The following ASB1 variants were observed in gnomAD, a reference collection of about 807,000 sequenced individuals.
The protein encoded by ASB1 is ankyrin repeat and SOCS box protein 1.
ASB1 carries 18 observed loss-of-function variants against 27.7 expected under a neutral mutation model. The ratio of observed to expected loss-of-function variants is 0.65; its 90% confidence interval spans 0.45 to 0.96. The LOEUF is 0.96. Among genes scored for constraint, ASB1 ranks in the 50% least tolerant of loss-of-function variants. The pLI is 0.00. For synonymous variants in ASB1, 189 were observed against 187.6 expected, an observed-to-expected ratio of 1.01 and a Z score of -0.06; for missense variants, 397 against 451.7, an observed-to-expected ratio of 0.88 and a Z score of 1.10.
intron 3 of ASB1, among the ~76,000 whole-genome samples, 159 bp from the exon 4 acceptor site, chr2:238,444,183 C>T (rs1169716009): frequency 9.2e-5 from 14 of 152,290 alleles, no homozygotes; most frequent in African/African-American, 2.6e-4. Context: ...TCTTGCTGAA[C>T]GTAGTGAAGC....
At chr2:238,432,762 T>C (rs1432640602) in intron 1 of ASB1, among the ~76,000 whole-genome samples, 2 of 152,152 alleles carry the variant, frequency 1.3e-5, no homozygotes, top group Non-Finnish European at 2.9e-5. Context: ...TCTTTTTTTT[T>C]TTGAGACCGA....
At position 238,433,671 on chromosome 2, in the gene ASB1, T is replaced by G. The variant is rs1209817180; in HGVS notation, c.167T>G (p.Leu56Arg). Residue 56 changes from leucine (L) to arginine (R), a missense_variant, in exon 2 of 5, where the codon CTA becomes CGA. Physicochemically the swap from Leu to Arg is moderately radical, Grantham distance 102. Transcript: ENST00000264607. ...GGGGACCTCCAGACCCTCAGGAGCC[T>G]ATTGCAAGAGGAGAGCTACCGGAGG... ...YVGDLQTLRSLLQEESYRSRI... is the reference protein window; with the variant it reads ...YVGDLQTLRSRLQEESYRSRI... 6.2e-7 allele frequency: 1 copy of G among 1,613,886 alleles called. No individual in the cohort carries two copies. The highest frequency in any genetic ancestry group is 1.3e-5 in the African/African-American group (1 of 74,914).
At chr2:238,431,280 C>G (rs559756219) in intron 1 of ASB1, among the ~76,000 whole-genome samples, 1 of 152,202 alleles carries the variant, frequency 6.6e-6, no homozygotes, top group Non-Finnish European at 1.5e-5. Context: ...CTTTAAACCT[C>G]GTGAACCAAC....
At chr2:238,440,044 A>G (rs1420400270) in intron 3 of ASB1, among the ~76,000 whole-genome samples, 1 of 152,186 alleles carries the variant, frequency 6.6e-6, no homozygotes, top group Non-Finnish European at 1.5e-5. Context: ...CAGTTTGTCT[A>G]CTGAGAGCTG....
At chr2:238,433,786 C>G in intron 2 of ASB1, 91 bp downstream of exon 2, 1 of 1,446,696 alleles carries the variant, frequency 6.9e-7, no homozygotes, top group Admixed American at 2.0e-5. Context: ...AGATGAAGAC[C>G]TTGATGTTGG....
At position 238,444,509 on chromosome 2, in the gene ASB1, A is replaced by G. The variant is rs1702139593; in HGVS notation, c.662A>G (p.Asn221Ser). Residue 221 changes from asparagine (N) to serine (S), a missense_variant, in exon 4 of 5, where the codon AAC (asparagine) becomes AGC (serine). Physicochemically the swap from Asn to Ser is conservative, Grantham distance 46. Coordinates refer to ENST00000264607, the MANE Select transcript of ASB1 (RefSeq NM_001040445.3). Reference protein sequence around the residue: ...LLLAGANPDFNCNGPVNTQGF... With the variant: ...LLLAGANPDFSCNGPVNTQGF... ...CTGGCTGGCGCGAACCCTGACTTCA[A>G]CTGCAATGGTCCTGTCAACACACAG... 8.1e-6 allele frequency: 13 copies of G among 1,613,924 alleles called. No homozygotes were observed. Among genetic ancestry groups the G allele is most frequent in the Non-Finnish European group, 1.1e-5 (13 of 1,180,004 alleles).
intron 4 of ASB1, 100 bp downstream of exon 4, chr2:238,444,827 G>T: frequency 7.4e-7 from 1 of 1,353,036 alleles, no homozygotes; most frequent in South Asian, 1.5e-5. Flanking sequence ...CTGAGCACTT[G>T]GCCAAAATCT....
At chr2:238,435,154 C>G (rs1701943585) in intron 2 of ASB1, 1 of 153,544 alleles carries the variant, frequency 6.5e-6, no homozygotes, top group Non-Finnish European at 1.4e-5. Flanking sequence ...ACAGGTTCCT[C>G]TGCCGCTCTT....
Position 238,444,776 on chromosome 2 carries a change from G to T in ASB1, c.880+49G>T, listed in dbSNP as rs982692924. 4.0e-6 allele frequency: 6 copies of T among 1,516,918 alleles called. No homozygotes were observed. The African/African-American group carries it at 8.4e-5, about 21-fold the overall frequency. The allele number at this position is 1,516,918 out of a possible 1,614,324, so 94.0% of individuals were successfully genotyped here. ...GACTTGTGGGCTGGGTTGATTGAAT[G>T]AATCAAGATGTAGCAATAAACAAAA... is the stretch of plus-strand genomic sequence containing the variant. On this transcript the variant is annotated intron_variant, in intron 4 of 4. Coordinates refer to ENST00000264607, the MANE Select transcript of ASB1 (RefSeq NM_001040445.3).
chr2:238,427,092 G>C lies in ASB1; in HGVS notation c.22G>C (p.Asp8His). ...ATCCATGGCGGAGGGCGGCAGCCCA[G>C]ACGGGCGGGCAGGGCCGGGCTCCGC... MAEGGSP[D>H]GRAGPGSAGR... Residue 8 changes from aspartate (D) to histidine (H), a missense_variant, in exon 1 of 5, where the codon GAC (aspartate) becomes CAC (histidine). By Grantham distance (81) the Asp-to-His change is moderately conservative. Transcript: ENST00000264607. The C allele has an allele frequency of 7.9e-7, 1 of 1,262,990 alleles. No homozygotes were observed. Among genetic ancestry groups the C allele is most frequent in the Non-Finnish European group, 9.9e-7 (1 of 1,005,208 alleles). The allele number at this position is 1,262,990 out of a possible 1,614,324, so 78.2% of individuals were successfully genotyped here.
intron 1 of ASB1, among the ~76,000 whole-genome samples, chr2:238,429,416 C>T (rs760397348): frequency 2.6e-5 from 4 of 152,162 alleles, no homozygotes; most frequent in Non-Finnish European, 4.4e-5. Context: ...TCAATTATTT[C>T]CTAATAAGTA....
chr2:238,448,083 T>C lies in ASB1; in HGVS notation c.*1572T>C, dbSNP rs1217496116. 1 of 152,350 alleles carries C rather than the reference T, an allele frequency of 6.6e-6. No individual in the cohort carries two copies. Among genetic ancestry groups the C allele is most frequent in the Non-Finnish European group, 1.5e-5 (1 of 68,148 alleles). The allele number at this position is 152,350 out of a possible 1,614,324, so 9.4% of individuals were successfully genotyped here. ...TTAGAAGCTGTGATGGTTGTGTAAA[T>C]GTGGGCTGTGTGCTGTTCCCGAGGG... On this transcript the variant is annotated 3_prime_UTR_variant, in exon 5 of 5. Coordinates refer to ENST00000264607, the MANE Select transcript of ASB1 (RefSeq NM_001040445.3).
At chr2:238,437,447 G>T (rs1435147941) in intron 3 of ASB1, among the ~76,000 whole-genome samples, 2 of 152,004 alleles carry the variant, frequency 1.3e-5, no homozygotes, top group Admixed American at 1.3e-4. Context: ...AGCCAGGATG[G>T]TCTCGATCTT....
At position 238,451,067 on chromosome 2, in the gene ASB1, TCCAAACCCGAACCTCTCAGTGTGGAATG is replaced by T. The variant is rs1228578422; in HGVS notation, c.*4557_*4584del. 2.5e-4 allele frequency: 16 copies of T among 63,452 alleles called. No individual in the cohort carries two copies. In the Admixed American group the frequency reaches 2.8e-3, roughly 11 times the overall value. The allele number at this position is 63,452 out of a possible 1,614,324, so 3.9% of individuals were successfully genotyped here. A position where few individuals can be genotyped will look rare whatever the true frequency, so the allele number is the denominator to read the frequency against. On this transcript the variant is annotated 3_prime_UTR_variant, in exon 5 of 5. Coordinates refer to ENST00000264607, the MANE Select transcript of ASB1 (RefSeq NM_001040445.3). ...GAACCTCTCAGTGTGGAATGAACGC[TCCAAACCCGAACCTCTCAGTGTGGAATG>T]AAACAGTTTAGATGTGTACATGATG...
chr2:238,428,919 A>G (rs1701813834), intron 1 of ASB1, among the ~76,000 whole-genome samples: 1 of 152,000 alleles, frequency 6.6e-6, no homozygotes, highest in East Asian at 1.9e-4. Flanking sequence ...AATCTTTCCC[A>G]CTCCGACTTT....
At chr2:238,437,428 C>T (rs1418395052) in intron 3 of ASB1, among the ~76,000 whole-genome samples, 1 of 152,092 alleles carries the variant, frequency 6.6e-6, no homozygotes, top group African/African-American at 2.4e-5. Flanking sequence ...GATGGGGTTT[C>T]ACCATGTCAG....
In ASB1 at chr2:238,447,800, A is replaced by T. The variant is rs1398712133; in HGVS notation, c.*1289A>T. On this transcript the variant is annotated 3_prime_UTR_variant, in exon 5 of 5. Transcript: ENST00000264607. The stretch of plus-strand genomic sequence containing the variant: ...GAGAAATCCAATTTGTAAAACTTGA[A>T]CAATGATACCGTTTTATTTACTTAG... 1 of 152,256 alleles carries T rather than the reference A, an allele frequency of 6.6e-6. No homozygotes were observed. The highest frequency in any genetic ancestry group is 1.9e-4 in the East Asian group (1 of 5,206). 9.4% of individuals were successfully genotyped at this position (152,256 alleles called of 1,614,324 possible).
Position 238,435,806 on chromosome 2 carries a change from TC to T in ASB1, c.289del (p.Leu97SerfsTer13). ...GCAGGCCATGGGAGCTGTGTGGACT[TC>T]CTCATCCGGAAGGGGGCCGAGGTGG... ...ATAGHGSCVD[F>X]LIRKGAEVDL... is the part of the protein sequence containing the mutation. On this transcript the variant is annotated frameshift_variant, in exon 3 of 5. Transcript: ENST00000264607. LOFTEE classifies it high-confidence loss of function. The T allele has an allele frequency of 6.2e-7, 1 of 1,614,188 alleles. No homozygotes were observed. Among genetic ancestry groups the T allele is most frequent in the Non-Finnish European group, 8.5e-7 (1 of 1,180,028 alleles).
chr2:238,431,533 T>G (rs1701871341), intron 1 of ASB1, among the ~76,000 whole-genome samples: 1 of 152,256 alleles, frequency 6.6e-6, no homozygotes, highest in South Asian at 2.1e-4. Flanking sequence ...CTTTTTCCTT[T>G]GCATTCACAA....
Sources: gnomAD v4.1 joint callset for allele counts (sites outside exome capture counted in the v4.1 genomes callset) on GRCh38, gnomAD v4.1.1 for gene constraint, MANE v1.5 for transcripts, NCBI Gene and HGNC (gene_info 2026-07-23, HGNC 2026-07-21) for gene names.